Variants in SLC35F4 observed in about 807,000 individuals in gnomAD.
SLC35F4 encodes the protein solute carrier family 35 member F4.
SLC35F4 carries 24 observed loss-of-function variants against 44.2 expected under a neutral mutation model. The observed-to-expected ratio is 0.54, with a 90% CI of 0.39 to 0.76. The LOEUF is 0.76. SLC35F4 is among the 30% of genes least tolerant of loss of function. SLC35F4 has a pLI of 0.00. For synonymous variants in SLC35F4, 238 were observed against 223.6 expected, an observed-to-expected ratio of 1.06 and a Z score of -0.57; for missense variants, 562 against 586.1, an observed-to-expected ratio of 0.96 and a Z score of 0.42.
chr14:57,874,090 G>GAGCCA (rs767368818), intron 1 of SLC35F4, among the ~76,000 whole-genome samples: 4 of 152,126 alleles, frequency 2.6e-5, no homozygotes, highest in Non-Finnish European at 5.9e-5. Flanking sequence ...CTATGCAGTG[G>GAGCCA]AGCCAAGTGA....
At chr14:57,714,934 T>C (rs2075902432) in intron 1 of SLC35F4, among the ~76,000 whole-genome samples, 1 of 152,052 alleles carries the variant, frequency 6.6e-6, no homozygotes, top group Non-Finnish European at 1.5e-5. Flanking sequence ...GATGAGGGAG[T>C]TTGCAGCTAC....
At chr14:57,772,795 T>A (rs1410700788) in intron 1 of SLC35F4, among the ~76,000 whole-genome samples, 14 of 152,352 alleles carry the variant, frequency 9.2e-5, no homozygotes, top group African/African-American at 3.4e-4. Context: ...TTTCATATTG[T>A]GAATAGTGCT....
chr14:57,800,063 G>C (rs1466276210), intron 1 of SLC35F4, among the ~76,000 whole-genome samples: 1 of 152,132 alleles, frequency 6.6e-6, no homozygotes, highest in African/African-American at 2.4e-5. Context: ...GACTGGGGAG[G>C]CCTCCCAACA....
At chr14:57,854,688 T>C (rs1886913008) in intron 1 of SLC35F4, among the ~76,000 whole-genome samples, 4 of 152,208 alleles carry the variant, frequency 2.6e-5, no homozygotes, top group Admixed American at 2.6e-4. Flanking sequence ...TGCAGACATG[T>C]AGACCCATTC....
chr14:57,803,254 C>A (rs962972241), intron 1 of SLC35F4, among the ~76,000 whole-genome samples: 2 of 152,102 alleles, frequency 1.3e-5, no homozygotes, highest in East Asian at 3.9e-4. Context: ...AAATCAAGCA[C>A]CCCTTCATGT....
intron 1 of SLC35F4, among the ~76,000 whole-genome samples, chr14:57,930,972 G>A (rs1025345319): frequency 3.3e-5 from 5 of 152,170 alleles, no homozygotes; most frequent in African/African-American, 9.7e-5. Flanking sequence ...AAAACTGGAT[G>A]AGAAGTCAAG....
At chr14:57,695,080 T>C (rs988635360) in intron 1 of SLC35F4, among the ~76,000 whole-genome samples, 9 of 152,142 alleles carry the variant, frequency 5.9e-5, no homozygotes, top group East Asian at 5.8e-4. Flanking sequence ...GAAGAAAACC[T>C]AGGCAATACC....
At chr14:57,608,180 G>C (rs1188579780) in intron 1 of SLC35F4, among the ~76,000 whole-genome samples, 43 of 152,080 alleles carry the variant, frequency 2.8e-4, no homozygotes, top group Non-Finnish European at 7.4e-5. Context: ...AGCTATGGGA[G>C]GGGTTATATG....
chr14:57,919,679 C>T (rs1470713608), intron 1 of SLC35F4, among the ~76,000 whole-genome samples: 3 of 152,140 alleles, frequency 2.0e-5, no homozygotes, highest in Non-Finnish European at 4.4e-5. Flanking sequence ...AGAGTTCATT[C>T]CCAAGTAACT....
At chr14:57,660,712 T>C (rs560529700) in intron 1 of SLC35F4, among the ~76,000 whole-genome samples, 4 of 152,220 alleles carry the variant, frequency 2.6e-5, no homozygotes, top group African/African-American at 9.6e-5. Flanking sequence ...CCAGCTGTCA[T>C]ATTGTGAGCA....
At chr14:57,871,208 A>G (rs1332059999) in intron 1 of SLC35F4, among the ~76,000 whole-genome samples, 1 of 152,128 alleles carries the variant, frequency 6.6e-6, no homozygotes, top group Non-Finnish European at 1.5e-5. Flanking sequence ...CCAGCCCCAG[A>G]GGGATCACAT....
At position 57,872,383 on chromosome 14, in the gene SLC35F4, C is replaced by T. The variant is rs116666954; in HGVS notation, n.282+109530G>A. On this transcript the variant is annotated intron_variant and non_coding_transcript_variant, in intron 1 of 1. Coordinates refer to the SLC35F4 transcript ENST00000556568. ...AGCTGATGTGAGAGGAGGCTCCTGA[C>T]AGAAAGAGCATACATTTCAAGAGAG... Among the ~76,000 whole-genome samples the T allele has an allele frequency of 4.4e-3, 665 of 151,780 alleles. 5 individuals are homozygous for T. Among genetic ancestry groups the T allele is most frequent in the African/African-American group, 0.015 (636 of 41,362 alleles).
intron 1 of SLC35F4, among the ~76,000 whole-genome samples, chr14:57,940,655 T>C (rs1889900881): frequency 6.6e-6 from 1 of 152,196 alleles, no homozygotes; most frequent in Admixed American, 6.5e-5. Context: ...TTTGCCATCA[T>C]TCAATTTTAC....
intron 1 of SLC35F4, among the ~76,000 whole-genome samples, chr14:57,872,047 G>A (rs1191236052): frequency 6.6e-6 from 1 of 152,178 alleles, no homozygotes. Context: ...GAAACATTAT[G>A]AGTGGCACAG....
chr14:57,652,028 G>A (rs1017679377), intron 1 of SLC35F4, among the ~76,000 whole-genome samples: 1 of 152,158 alleles, frequency 6.6e-6, no homozygotes, highest in Non-Finnish European at 1.5e-5. Context: ...TAGGGTACCT[G>A]GAGGACCCCC....
rs949416696 is a variant in SLC35F4 at position 57,564,112 on chromosome 14, GTGCAT to G, written c.*18_*22del. On this transcript the variant is annotated 3_prime_UTR_variant, in exon 8 of 8. Transcript: ENST00000556826. ...TTATATTCACAGAATATACATACAC[GTGCAT>G]TCAAAATATGTCCCTCTCTAAGCCA... 1.9e-6 allele frequency: 3 copies of G among 1,611,998 alleles called. No homozygotes were observed. The African/African-American group carries it at 4.0e-5, about 22-fold the overall frequency.
rs150777143 is a variant in SLC35F4 at position 57,965,604 on chromosome 14, T to C, written n.282+16309A>G. ...GGACTGATAATCCTAAATTATAACATTAAATAACGTCCACTCTGAAGAATG... is the reference window on the plus strand; with the variant it reads ...GGACTGATAATCCTAAATTATAACACTAAATAACGTCCACTCTGAAGAATG... On this transcript the variant is annotated intron_variant and non_coding_transcript_variant, in intron 1 of 1. Transcript: ENST00000556568. 4.4e-4 allele frequency among the ~76,000 whole-genome samples: 67 copies of C among 152,282 alleles called. No homozygotes were observed. The East Asian group carries it at 0.012, about 27-fold the overall frequency.
chr14:57,619,334 T>G (rs1273053608), intron 1 of SLC35F4, among the ~76,000 whole-genome samples: 1 of 152,072 alleles, frequency 6.6e-6, no homozygotes, highest in Non-Finnish European at 1.5e-5. Flanking sequence ...ACAAAGTTTC[T>G]AGAGAAAGGA....
intron 1 of SLC35F4, among the ~76,000 whole-genome samples, chr14:57,892,276 C>T (rs965103512): frequency 1.3e-5 from 2 of 152,158 alleles, no homozygotes; most frequent in Non-Finnish European, 2.9e-5. Context: ...AATGTGTACA[C>T]TGGACTTCTG....
Sources: allele counts gnomAD v4.1 joint callset (sites outside exome capture counted in the v4.1 genomes callset), GRCh38; gene constraint gnomAD v4.1.1; transcripts MANE v1.5; gene names NCBI Gene and HGNC (gene_info 2026-07-23, HGNC 2026-07-21).